The following SEH1L variants were observed in gnomAD, a reference collection of about 807,000 sequenced individuals.
SEH1L encodes the protein SEH1 like nucleoporin, also known as nucleoporin SEH1.
Under a neutral mutation model 49.5 loss-of-function variants are expected in SEH1L, and 18 were observed. The observed-to-expected ratio is 0.36, with a 90% CI of 0.25 to 0.54. SEH1L has a LOEUF of 0.54. Ranked by LOEUF, SEH1L falls within the 20% of genes least tolerant of loss-of-function variation. SEH1L has a pLI of 0.87. For synonymous variants in SEH1L, 169 were observed against 178.1 expected, an observed-to-expected ratio of 0.95 and a Z score of 0.41; for missense variants, 404 against 528.8, an observed-to-expected ratio of 0.76 and a Z score of 2.31.
chr18:12,982,293 TG>T (rs2032300910), intron 6 of SEH1L, among the ~76,000 whole-genome samples: 1 of 152,196 alleles, frequency 6.6e-6, no homozygotes, highest in Non-Finnish European at 1.5e-5. Context: ...ATTTATGTGC[TG>T]GGATCACTCC....
chr18:12,981,682 A>C (rs529216860), intron 6 of SEH1L, among the ~76,000 whole-genome samples: 2 of 152,338 alleles, frequency 1.3e-5, no homozygotes, highest in African/African-American at 2.4e-5. Context: ...TTCTCCAAAT[A>C]TAACTGATAA....
At position 12,981,850 on chromosome 18, in the gene SEH1L, A is replaced by ATTTTTTTTTTT. The variant is rs554886753; in HGVS notation, c.762-651_762-641dup. On this transcript the variant is annotated intron_variant, in intron 6 of 8. Coordinates refer to ENST00000399892, the MANE Select transcript of SEH1L (RefSeq NM_001013437.2). ...TTCTTTCCTACTTGCTGCCCTGCCC[A>ATTTTTTTTTTT]TTTTTTTTTTTTTTTTTTTTTTTTT... is the stretch of plus-strand genomic sequence containing the variant. Among the ~76,000 whole-genome samples, 22 of 88,190 alleles carry ATTTTTTTTTTT rather than the reference A, an allele frequency of 2.5e-4. 3 individuals carry two copies. Among genetic ancestry groups the ATTTTTTTTTTT allele is most frequent in the African/African-American group, 1.1e-3 (19 of 17,578 alleles). 57.9% of individuals were successfully genotyped at this position (88,190 alleles called of 152,430 possible). A position where few individuals can be genotyped will look rare whatever the true frequency, so the allele number is the denominator to read the frequency against.
chr18:12,986,438 A>C, intron 8 of SEH1L: 4 of 986,274 alleles, frequency 4.1e-6, no homozygotes, highest in Non-Finnish European at 4.8e-6. Context: ...GCACTAAAAA[A>C]AATGTGTGCT....
intron 4 of SEH1L, among the ~76,000 whole-genome samples, chr18:12,965,710 G>A (rs777362226): frequency 2.0e-5 from 3 of 152,160 alleles, no homozygotes; most frequent in African/African-American, 4.8e-5. Context: ...AGGATTTTGC[G>A]TTATTATTCT....
intron 2 of SEH1L, among the ~76,000 whole-genome samples, chr18:12,952,810 C>G (rs1029311814): frequency 8.8e-5 from 11 of 124,968 alleles, no homozygotes; most frequent in Non-Finnish European, 1.6e-4. Flanking sequence ...GAGCTGGCGT[C>G]TTGCTCTGTC....
At chr18:12,982,885 T>G (rs1025305774) in intron 7 of SEH1L, 1 of 423,488 alleles carries the variant, frequency 2.4e-6, no homozygotes, top group Non-Finnish European at 4.2e-6. Flanking sequence ...CAGAGCAGTT[T>G]TCAAAACTAA....
At chr18:12,959,705 T>A (rs2031081007) in intron 3 of SEH1L, among the ~76,000 whole-genome samples, 1 of 152,236 alleles carries the variant, frequency 6.6e-6, no homozygotes, top group Non-Finnish European at 1.5e-5. Flanking sequence ...CACGAAATTT[T>A]AAAATTTTGA....
rs532357706 is a variant in SEH1L at position 12,979,846 on chromosome 18, C to T, written c.761+954C>T. Among the ~76,000 whole-genome samples, 997 of 144,718 alleles carry T rather than the reference C, an allele frequency of 6.9e-3. 13 individuals carry two copies. Among genetic ancestry groups the T allele is most frequent in the African/African-American group, 0.025 (956 of 38,516 alleles). The allele number at this position is 144,718 out of a possible 152,430, so 94.9% of individuals were successfully genotyped here. A position where few individuals can be genotyped will look rare whatever the true frequency, so the allele number is the denominator to read the frequency against. ...CCGGGCAGAGGCACCCCTCACCTCC[C>T]GAATGGGGCGGCTGGCCGGGCGGGG... On this transcript the variant is annotated intron_variant, in intron 6 of 8. Coordinates refer to ENST00000399892, the MANE Select transcript of SEH1L (RefSeq NM_001013437.2).
In SEH1L at chr18:12,985,156, C is replaced by G. The variant is rs2032413842; in HGVS notation, c.1070+966C>G. ...TTGTAAATAGCTTCTATTTTTTGAT[C>G]TGTATTCTTATTGTGCCAATAACCA... On this transcript the variant is annotated intron_variant, in intron 8 of 8. Transcript: ENST00000399892. 9.1e-6 allele frequency: 13 copies of G among 1,429,262 alleles called. No individual in the cohort carries two copies. In the East Asian group the frequency reaches 3.2e-4, roughly 35 times the overall value. The allele number at this position is 1,429,262 out of a possible 1,614,324, so 88.5% of individuals were successfully genotyped here.
At chr18:12,949,058 A>C (rs990876620) in intron 1 of SEH1L, among the ~76,000 whole-genome samples, 1 of 150,196 alleles carries the variant, frequency 6.7e-6, no homozygotes, top group Non-Finnish European at 1.5e-5. Context: ...ACAGAGTTTC[A>C]CCATGTGGGC....
rs761928842 is a variant in SEH1L at position 12,963,140 on chromosome 18, T to C, written c.310-20T>C. On this transcript the variant is annotated intron_variant, in intron 3 of 8. Transcript: ENST00000399892. The stretch of plus-strand genomic sequence containing the variant: ...CTTTCTTTTTGTATATAATTTAAAT[T>C]GTTATTATTTTTTTTTTAGGTTAAA... 13 of 1,543,678 alleles carry C rather than the reference T, an allele frequency of 8.4e-6. No homozygotes were observed. The Admixed American group carries it at 2.1e-4, about 25-fold the overall frequency.
At chr18:12,969,223 C>T (rs1003049247) in intron 4 of SEH1L, among the ~76,000 whole-genome samples, 2 of 116,532 alleles carry the variant, frequency 1.7e-5, no homozygotes, top group Non-Finnish European at 3.6e-5. Context: ...CCCCCCCCCC[C>T]CCCCCACCTC....
intron 7 of SEH1L, among the ~76,000 whole-genome samples, chr18:12,983,574 T>G (rs1001715790): frequency 6.6e-6 from 1 of 152,234 alleles, no homozygotes; most frequent in Admixed American, 6.5e-5. Flanking sequence ...CCATTTTGGA[T>G]AAGCCACTGA....
chr18:12,962,013 T>C (rs1411705549), intron 3 of SEH1L, among the ~76,000 whole-genome samples: 1 of 152,186 alleles, frequency 6.6e-6, no homozygotes. Flanking sequence ...TGCCAGAAGA[T>C]AACTTTTAAA....
chr18:12,972,963 T>C (rs1241033666), intron 5 of SEH1L: 1 of 152,206 alleles, frequency 6.6e-6, no homozygotes, highest in Non-Finnish European at 1.5e-5. Context: ...CTCAGCACTT[T>C]GGGAGGCTGA....
At chr18:12,966,310 T>C (rs1404597723) in intron 4 of SEH1L, among the ~76,000 whole-genome samples, 1 of 152,204 alleles carries the variant, frequency 6.6e-6, no homozygotes, top group Non-Finnish European at 1.5e-5. Flanking sequence ...CAGGCTGGTC[T>C]CGAACTCCTG....
chr18:12,953,558 G>C (rs763355665), intron 2 of SEH1L, among the ~76,000 whole-genome samples: 3 of 152,074 alleles, frequency 2.0e-5, no homozygotes, highest in Non-Finnish European at 4.4e-5. Context: ...AAAATCATTG[G>C]ATTTTGATTT....
At chr18:12,954,474 A>C (rs546566315) in intron 2 of SEH1L, among the ~76,000 whole-genome samples, 4 of 151,688 alleles carry the variant, frequency 2.6e-5, no homozygotes, top group African/African-American at 4.8e-5. Flanking sequence ...GAAGCAAATA[A>C]TTTTTTTTTG....
At chr18:12,986,518 C>T in intron 8 of SEH1L, 2 of 970,570 alleles carry the variant, frequency 2.1e-6, no homozygotes, top group Non-Finnish European at 2.5e-6. Context: ...TACAGAATAG[C>T]ATCAGATGTT....
Sources: gnomAD v4.1 joint callset for allele counts (sites outside exome capture counted in the v4.1 genomes callset) on GRCh38, gnomAD v4.1.1 for gene constraint, MANE v1.5 for transcripts, NCBI Gene and HGNC (gene_info 2026-07-23, HGNC 2026-07-21) for gene names.